Variants in SBF2 observed in about 807,000 individuals in gnomAD.
SBF2 encodes the protein myotubularin-related protein 13.
A neutral mutation model predicts 225.2 loss-of-function variants in SBF2; 112 were observed. The observed-to-expected ratio is 0.50, with a 90% CI of 0.43 to 0.58. The LOEUF (loss-of-function observed/expected upper bound fraction) is 0.58, where lower values mean the gene tolerates loss of function less well. Among genes scored for constraint, SBF2 ranks in the 20% least tolerant of loss-of-function variants. The pLI, the probability that SBF2 is intolerant of heterozygous loss-of-function variation, is 0.00. For synonymous variants in SBF2, 763 were observed against 773.3 expected (o/e 0.99, Z 0.22); for missense variants, 1,996 against 2,206.2 (o/e 0.90, Z 1.91).
chr11:10,221,010 A>T (rs1002404670), intron 1 of SBF2, among the ~76,000 whole-genome samples: 5 of 151,510 alleles, frequency 3.3e-5, no homozygotes, highest in African/African-American at 1.2e-4. Flanking sequence ...CTAAGCTTCT[A>T]TTCCTCTGTG....
At chr11:9,932,103 C>T (rs570112318) in intron 16 of SBF2, among the ~76,000 whole-genome samples, 5 of 152,236 alleles carry the variant, frequency 3.3e-5, no homozygotes, top group East Asian at 3.9e-4. Context: ...AAGCAACAAA[C>T]GAAGCCTCCA....
chr11:10,244,205 G>A (rs753445813), intron 1 of SBF2, among the ~76,000 whole-genome samples: 26 of 152,132 alleles, frequency 1.7e-4, no homozygotes, highest in Non-Finnish European at 2.8e-4. Context: ...CATTGCCAAG[G>A]CTAATATCAA....
chr11:10,171,912 G>A (rs576065467), intron 2 of SBF2, among the ~76,000 whole-genome samples: 8 of 152,128 alleles, frequency 5.3e-5, no homozygotes, highest in African/African-American at 1.9e-4. Flanking sequence ...TTTCTTCCAG[G>A]TTTTCCAATT....
chr11:9,800,320 T>C (rs10840306), intron 32 of SBF2, among the ~76,000 whole-genome samples: 44,317 of 152,140 alleles, frequency 0.29, 6,584 homozygotes, highest in Middle Eastern at 0.41. Context: ...AGCAAATATA[T>C]GGTTTACACA....
At chr11:10,117,440 CAAA>C (rs57722094) in intron 2 of SBF2, among the ~76,000 whole-genome samples, 3 of 40,898 alleles carry the variant, frequency 7.3e-5, no homozygotes, top group African/African-American at 8.0e-5. Context: ...GAATCCAACT[CAAA>C]AAAAAAAAAA....
chr11:9,963,822 C>T lies in SBF2; in HGVS notation c.1661G>A (p.Arg554Lys), dbSNP rs1161860280. ...TTCAAATATGAATGAGATACAGTTT[C>T]TGACAACTTCTAGTCTTTGTGCACT... The part of the protein sequence containing the change: ...FNSAQRLEVV[R>K]NCISFIFENK... The change falls in exon 15 of 40, where the codon AGA becomes AAA. Residue 554 changes from arginine (R) to lysine (K), a missense_variant. Physicochemically the swap from Arg to Lys is conservative, Grantham distance 26. Transcript: ENST00000256190. 2 of 1,610,892 alleles carry T rather than the reference C, an allele frequency of 1.2e-6. No individual in the cohort carries two copies. The highest frequency in any genetic ancestry group is 1.7e-6 in the Non-Finnish European group (2 of 1,177,614).
chr11:9,874,516 A>C (rs189394209), intron 17 of SBF2, among the ~76,000 whole-genome samples: 24 of 152,352 alleles, frequency 1.6e-4, no homozygotes, highest in African/African-American at 5.8e-4. Flanking sequence ...AAAAAGCTTA[A>C]GACTCTTGTC....
At chr11:9,972,260 AACAC>A (rs1041167430) in intron 13 of SBF2, among the ~76,000 whole-genome samples, 1 of 151,196 alleles carries the variant, frequency 6.6e-6, no homozygotes, top group Non-Finnish European at 1.5e-5. Context: ...AGAACACACA[AACAC>A]ACACACACAC....
chr11:10,269,150 C>T (rs1356195779), intron 1 of SBF2, among the ~76,000 whole-genome samples: 1 of 152,194 alleles, frequency 6.6e-6, no homozygotes, highest in Non-Finnish European at 1.5e-5. Flanking sequence ...CTTTCAGAAA[C>T]AGCTGGAACC....
chr11:10,086,840 GT>G (rs1951584991), intron 2 of SBF2, among the ~76,000 whole-genome samples: 1 of 152,130 alleles, frequency 6.6e-6, no homozygotes, highest in Non-Finnish European at 1.5e-5. Context: ...CAGATCGCCT[GT>G]TTTATTATGA....
At chr11:9,998,190 A>G in intron 9 of SBF2, 76 bp downstream of exon 9, 1 of 880,174 alleles carries the variant, frequency 1.1e-6, no homozygotes, top group Non-Finnish European at 1.9e-6. Flanking sequence ...CTGCATTGAC[A>G]AACATTTTTA....
intron 1 of SBF2, among the ~76,000 whole-genome samples, chr11:10,195,157 T>C (rs181396811): frequency 1.7e-3 from 261 of 152,268 alleles, no homozygotes; most frequent in Non-Finnish European, 2.9e-3. Flanking sequence ...GGAATGGGGA[T>C]TGTCCTGTGC....
At chr11:10,011,153 T>G (rs1948440462) in intron 6 of SBF2, among the ~76,000 whole-genome samples, 1 of 152,202 alleles carries the variant, frequency 6.6e-6, no homozygotes, top group Non-Finnish European at 1.5e-5. Flanking sequence ...ATTTCTAGTG[T>G]TGTTTGTTCG....
Position 10,086,052 on chromosome 11 carries a change from CGTGTGTGTGT to C in SBF2, c.142-43081_142-43072del. 1.4e-5 allele frequency among the ~76,000 whole-genome samples: 2 copies of C among 142,866 alleles called. 1 individual carries two copies. The highest frequency in any genetic ancestry group is 4.4e-4 in the South Asian group (2 of 4,590). The allele number at this position is 142,866 out of a possible 152,430, so 93.7% of individuals were successfully genotyped here. A position where few individuals can be genotyped will look rare whatever the true frequency, so the allele number is the denominator to read the frequency against. ...GCACACACGTGCATGTGTGCATGCA[CGTGTGTGTGT>C]TCTAACCTGCCTTCTTAGAGACAAG... On this transcript the variant is annotated intron_variant, in intron 2 of 39. Transcript: ENST00000256190.
chr11:9,861,754 C>A (rs554454737), intron 17 of SBF2, among the ~76,000 whole-genome samples: 59 of 152,224 alleles, frequency 3.9e-4, no homozygotes, highest in African/African-American at 1.4e-3. Flanking sequence ...GCAATCCCCC[C>A]ACCTCGGCCT....
intron 16 of SBF2, among the ~76,000 whole-genome samples, chr11:9,943,619 T>A (rs558045086): frequency 6.6e-6 from 1 of 152,084 alleles, no homozygotes; most frequent in Non-Finnish European, 1.5e-5. Context: ...CCAATGAACA[T>A]GAAAAATTGT....
chr11:9,982,302 T>G (rs924997416), intron 13 of SBF2, among the ~76,000 whole-genome samples: 4 of 152,316 alleles, frequency 2.6e-5, no homozygotes, highest in Admixed American at 6.5e-5. Context: ...AGTCTAATCT[T>G]TATGTCTTAC....
At chr11:10,063,953 C>T (rs557898890) in intron 2 of SBF2, among the ~76,000 whole-genome samples, 7 of 151,572 alleles carry the variant, frequency 4.6e-5, no homozygotes, top group African/African-American at 1.7e-4. Flanking sequence ...GGAATTAAGG[C>T]GTCGGGGGGA....
chr11:9,927,053 G>A (rs1330375613), intron 16 of SBF2, among the ~76,000 whole-genome samples: 2 of 152,114 alleles, frequency 1.3e-5, no homozygotes, highest in Non-Finnish European at 2.9e-5. Flanking sequence ...AGGAATGAGA[G>A]AGATGACATT....
Sources: gnomAD v4.1 joint callset for allele counts (sites outside exome capture counted in the v4.1 genomes callset) on GRCh38, gnomAD v4.1.1 for gene constraint, MANE v1.5 for transcripts, NCBI Gene and HGNC (gene_info 2026-07-23, HGNC 2026-07-21) for gene names.